The following HGD variants were observed in gnomAD, a reference collection of about 807,000 sequenced individuals.
The protein encoded by HGD is homogentisate oxidase.
Under a neutral mutation model 60.8 loss-of-function variants are expected in HGD, and 61 were observed. The ratio of observed to expected loss-of-function variants is 1.00; its 90% CI spans 0.82 to 1.24. The LOEUF (loss-of-function observed/expected upper bound fraction) is 1.24. Ranked by LOEUF, HGD falls within the 50% of genes most tolerant of loss-of-function variation. The pLI is 0.00. For synonymous variants in HGD, 212 were observed against 187.7 expected (o/e 1.13, Z -1.06); for missense variants, 542 against 547.1 (o/e 0.99, Z 0.09).
At chr3:120,638,633 A>G in intron 11 of HGD, 52 bp from the exon 12 acceptor site, 1 of 1,604,846 alleles carries the variant, frequency 6.2e-7, no homozygotes, top group Non-Finnish European at 8.5e-7. Context: ...AAGTGACTGG[A>G]CAATGACACA....
intron 9 of HGD, among the ~76,000 whole-genome samples, chr3:120,645,779 A>G: frequency 6.6e-6 from 1 of 152,206 alleles, no homozygotes. Context: ...ACAAAAAGCA[A>G]TCCAAACCAA....
intron 6 of HGD, 68 bp downstream of exon 6, chr3:120,650,705 TG>T: frequency 1.8e-6 from 2 of 1,124,370 alleles, no homozygotes; most frequent in Non-Finnish European, 1.4e-6. Flanking sequence ...GAGTGAAACC[TG>T]GAGTTTGACT....
chr3:120,646,413 T>A, intron 8 of HGD, 47 bp from the exon 9 acceptor site: 1 of 1,250,476 alleles, frequency 8.0e-7, no homozygotes, highest in Middle Eastern at 1.9e-4. Context: ...ATCACAGCTG[T>A]AGTTATAAAG....
At chr3:120,640,130 A>AAAGG (rs1018678656) in intron 11 of HGD, among the ~76,000 whole-genome samples, 2 of 148,988 alleles carry the variant, frequency 1.3e-5, no homozygotes, top group Non-Finnish European at 3.0e-5. Context: ...AGAGAGAGAG[A>AAAGG]AAGGAAGGAA....
At chr3:120,644,610 C>A in intron 9 of HGD, 167 bp from the exon 10 acceptor site, 1 of 1,533,872 alleles carries the variant, frequency 6.5e-7, no homozygotes, top group Non-Finnish European at 8.7e-7. Flanking sequence ...TTTAGGAAGA[C>A]CCAAGGAATC....
chr3:120,674,210 T>C (rs963927624), intron 3 of HGD, among the ~76,000 whole-genome samples: 42 of 152,184 alleles, frequency 2.8e-4, no homozygotes, highest in Non-Finnish European at 3.2e-4. Flanking sequence ...AATTAGACAC[T>C]ATTTGTTTAA....
In HGD at chr3:120,628,234, C is replaced by T. The variant is rs542446346; in HGVS notation, c.*146G>A. ...TGACAGCCATAGAACTTTGCAAATG[C>T]GTTTCCATAAAAGTTCTGAGTTACT... On this transcript the variant is annotated 3_prime_UTR_variant, in exon 14 of 14. Coordinates refer to ENST00000283871, the MANE Select transcript of HGD (RefSeq NM_000187.4). 189 of 874,626 alleles carry T rather than the reference C, an allele frequency of 2.2e-4. No individual in the cohort carries two copies. The highest frequency in any genetic ancestry group is 3.4e-4 in the East Asian group (14 of 41,100). The allele number at this position is 874,626 out of a possible 1,614,324, so 54.2% of individuals were successfully genotyped here.
chr3:120,651,161 C>T (rs974465711), intron 5 of HGD, among the ~76,000 whole-genome samples: 3 of 152,162 alleles, frequency 2.0e-5, no homozygotes, highest in Non-Finnish European at 4.4e-5. Flanking sequence ...CAATTTGATG[C>T]TTGACATCAA....
chr3:120,656,946 C>G (rs190540009), intron 4 of HGD, among the ~76,000 whole-genome samples: 77 of 152,306 alleles, frequency 5.1e-4, no homozygotes, highest in African/African-American at 1.8e-3. Context: ...GTTCTTCACA[C>G]GTGTAAAATC....
chr3:120,671,438 T>C (rs1246898970), intron 3 of HGD, among the ~76,000 whole-genome samples: 2 of 152,216 alleles, frequency 1.3e-5, no homozygotes, highest in African/African-American at 2.4e-5. Context: ...GTAGAAGTCC[T>C]TTATCATTTT....
intron 4 of HGD, among the ~76,000 whole-genome samples, chr3:120,660,951 G>A (rs1276135235): frequency 1.3e-5 from 2 of 152,166 alleles, no homozygotes; most frequent in South Asian, 2.1e-4. Flanking sequence ...CACCTAGCAC[G>A]AAGTATAGAA....
intron 9 of HGD, 67 bp from the exon 10 acceptor site, chr3:120,644,510 A>T (rs2107507325): frequency 6.2e-7 from 1 of 1,610,378 alleles, no homozygotes; most frequent in East Asian, 2.2e-5. Flanking sequence ...CCATGGTTGC[A>T]TGAAGAGAAA....
chr3:120,670,226 C>T (rs2733782), intron 4 of HGD: 1 of 604,596 alleles, frequency 1.7e-6, no homozygotes, highest in South Asian at 2.0e-5. Context: ...ATTACCCAGT[C>T]TTGGTTATTT....
chr3:120,652,496 G>T, intron 5 of HGD, 96 bp downstream of exon 5: 1 of 877,218 alleles, frequency 1.1e-6, no homozygotes, highest in Non-Finnish European at 1.9e-6. Flanking sequence ...CTCCTGATAG[G>T]GCTGCTTCTG....
intron 6 of HGD, among the ~76,000 whole-genome samples, chr3:120,649,839 A>G (rs897532162): frequency 7.9e-5 from 12 of 151,998 alleles, no homozygotes; most frequent in Admixed American, 2.6e-4. Flanking sequence ...ATCTCTGGAG[A>G]GAGAAACTGA....
chr3:120,644,175 G>A, intron 10 of HGD, 144 bp downstream of exon 10: 1 of 945,022 alleles, frequency 1.1e-6, no homozygotes, highest in African/African-American at 1.6e-5. Context: ...TTGACTACTA[G>A]AACTATTTGC....
intron 11 of HGD, among the ~76,000 whole-genome samples, chr3:120,641,093 C>T (rs1471289749): frequency 6.6e-6 from 1 of 152,130 alleles, no homozygotes. Context: ...AACTCAAGCA[C>T]TGAAAGTTAT....
At chr3:120,667,394 T>C (rs1707925819) in intron 4 of HGD, among the ~76,000 whole-genome samples, 1 of 148,038 alleles carries the variant, frequency 6.8e-6, no homozygotes, top group South Asian at 2.1e-4. Context: ...TTGTCTTCCA[T>C]GGATATGTCA....
At chr3:120,633,932 C>G (rs1940674010) in intron 12 of HGD, among the ~76,000 whole-genome samples, 1 of 152,156 alleles carries the variant, frequency 6.6e-6, no homozygotes, top group African/African-American at 2.4e-5. Context: ...TTTATTATAA[C>G]AAATATTATC....
Sources: allele counts gnomAD v4.1 joint callset (sites outside exome capture counted in the v4.1 genomes callset), GRCh38; gene constraint gnomAD v4.1.1; transcripts MANE v1.5; gene names NCBI Gene and HGNC (gene_info 2026-07-23, HGNC 2026-07-21).